RAB1A: variants seen among roughly 807,000 people sequenced by gnomAD.
RAB1A encodes ras-related protein Rab-1A.
Under a neutral mutation model 26.0 loss-of-function variants are expected in RAB1A, and 2 were observed. That is an observed-to-expected ratio of 0.08 (90% CI 0.03 to 0.24). The LOEUF is 0.24. Ranked by LOEUF, RAB1A falls within the 10% of genes least tolerant of loss-of-function variation. The pLI is 1.00. For missense variants in RAB1A, 100 were observed against 247.0 expected (o/e 0.40, Z 3.99); for synonymous variants, 84 against 84.9 (o/e 0.99, Z 0.06).
At chr2:65,100,742 G>A (rs1386612742) in intron 2 of RAB1A, among the ~76,000 whole-genome samples, 1 of 139,508 alleles carries the variant, frequency 7.2e-6, no homozygotes, top group South Asian at 2.3e-4. Context: ...CTGGGCGACA[G>A]AGCGAGACTC....
At chr2:65,129,582 G>T (rs1558591455) in intron 1 of RAB1A, among the ~76,000 whole-genome samples, 1 of 151,788 alleles carries the variant, frequency 6.6e-6, no homozygotes, top group African/African-American at 2.4e-5. Context: ...CTGCCTCCGA[G>T]AGAAGATACC....
chr2:65,095,514 T>C (rs2103830540), intron 3 of RAB1A, among the ~76,000 whole-genome samples: 1 of 118,218 alleles, frequency 8.5e-6, no homozygotes, highest in Non-Finnish European at 1.7e-5. Context: ...CACACCTGGT[T>C]ACTTTTTTTT....
intron 3 of RAB1A, among the ~76,000 whole-genome samples, chr2:65,096,408 GA>G (rs1472416780): frequency 1.3e-5 from 2 of 152,130 alleles, no homozygotes; most frequent in Non-Finnish European, 2.9e-5. Flanking sequence ...AGACAAAGAT[GA>G]AAGACAGTGT....
rs1279016866 is a variant in RAB1A, at chr2:65,087,061, C to G, written c.*1432G>C. 6.6e-6 allele frequency: 1 copy of G among 152,142 alleles called. No homozygotes were observed. Among genetic ancestry groups the G allele is most frequent in the Non-Finnish European group, 1.5e-5 (1 of 68,020 alleles). The allele number at this position is 152,142 out of a possible 1,614,324, so 9.4% of individuals were successfully genotyped here. ...TATCATTAAATTAAGGAGCCCACAA[C>G]AAAATGTGTTGCCAGCAGCCATATC... On this transcript the variant is annotated 3_prime_UTR_variant, in exon 6 of 6. Coordinates refer to ENST00000409784, the MANE Select transcript of RAB1A (RefSeq NM_004161.5).
intron 3 of RAB1A, among the ~76,000 whole-genome samples, chr2:65,095,539 G>A (rs911732692): frequency 2.2e-5 from 3 of 133,618 alleles, no homozygotes; most frequent in African/African-American, 5.6e-5. Flanking sequence ...TTTTTTGGTA[G>A]AGATAGAGTC....
chr2:65,107,224 C>T (rs1002431544), intron 1 of RAB1A, among the ~76,000 whole-genome samples: 3 of 152,006 alleles, frequency 2.0e-5, no homozygotes, highest in Admixed American at 6.6e-5. Context: ...TGCTAACACA[C>T]CCAGCTAATT....
chr2:65,117,824 G>A (rs6752302), intron 1 of RAB1A, among the ~76,000 whole-genome samples: 5,214 of 151,470 alleles, frequency 0.034, 126 homozygotes, highest in African/African-American at 0.067. Context: ...ACCCACCTCA[G>A]CCTCCGAAAG....
intron 1 of RAB1A, chr2:65,106,270 GT>G: frequency 4.7e-6 from 1 of 213,046 alleles, no homozygotes; most frequent in South Asian, 4.9e-5. Context: ...TTTATATATC[GT>G]TTTTGTAGAA....
chr2:65,120,033 CTACA>C (rs1669922381), intron 1 of RAB1A, among the ~76,000 whole-genome samples: 1 of 151,912 alleles, frequency 6.6e-6, no homozygotes, highest in Non-Finnish European at 1.5e-5. Context: ...ACATAAAGCA[CTACA>C]TAATTATCCA....
chr2:65,108,671 T>C (rs1669621197), intron 1 of RAB1A, among the ~76,000 whole-genome samples: 1 of 151,904 alleles, frequency 6.6e-6, no homozygotes, highest in South Asian at 2.1e-4. Context: ...CCAGGCATGG[T>C]AGCGCATGCC....
intron 1 of RAB1A, among the ~76,000 whole-genome samples, chr2:65,110,433 C>T (rs1370053006): frequency 7.5e-5 from 8 of 106,284 alleles, no homozygotes; most frequent in African/African-American, 2.2e-4. Flanking sequence ...AGAGCGAGAC[C>T]GTCTCAAAAA....
intron 1 of RAB1A, among the ~76,000 whole-genome samples, chr2:65,119,841 CAAAAAAAAA>C (rs1178958164): frequency 0.012 from 424 of 36,474 alleles, no homozygotes; most frequent in Non-Finnish European, 0.014. Flanking sequence ...CCTGTCTCTA[CAAAAAAAAA>C]AAAAAAAAAA....
Position 65,089,017 on chromosome 2 carries a change from A to T in RAB1A, c.342T>A (p.Ser114Arg). Residue 114 changes from serine (S) to arginine (R), a missense_variant, in exon 5 of 6, where the codon AGT becomes AGA. Ser to Arg is a moderately radical substitution (Grantham distance 110). This residue lies in a region of RAB1A where 67 missense variants were observed against 122.9 expected (regional missense o/e 0.55). Coordinates refer to ENST00000409784, the MANE Select transcript of RAB1A (RefSeq NM_004161.5). ...QWLQEIDRYASENVNKLLVGN... is the reference protein window; with the variant it reads ...QWLQEIDRYARENVNKLLVGN... The stretch of plus-strand genomic sequence containing the variant: ...CTACCAACAATTTGTTGACATTTTC[A>T]CTGGCATAACGATCTATTTCCTGCA... 1 of 1,610,502 alleles carries T rather than the reference A, an allele frequency of 6.2e-7. No individual in the cohort carries two copies. Among genetic ancestry groups the T allele is most frequent in the South Asian group, 1.1e-5 (1 of 90,542 alleles).
chr2:65,089,043 G>T lies in RAB1A; in HGVS notation c.316C>A (p.Leu106Met). Residue 106 changes from leucine (L) to methionine (M), a missense_variant, in exon 5 of 6, where the codon CTG (leucine) becomes ATG (methionine). Around this residue, in one of 2 missense-constraint regions of RAB1A, gnomAD observed 67 missense variants for 122.9 expected, o/e 0.55. Transcript: ENST00000409784. ...CTGGCATAACGATCTATTTCCTGCA[G>T]CCACTGTTTAACATTATTGAAGGAC... ...QESFNNVKQW[L>M]QEIDRYASEN... The T allele has an allele frequency of 6.2e-7, 1 of 1,610,168 alleles. No homozygotes were observed. The highest frequency in any genetic ancestry group is 8.5e-7 in the Non-Finnish European group (1 of 1,177,638).
At chr2:65,113,119 T>C (rs1306126838) in intron 1 of RAB1A, among the ~76,000 whole-genome samples, 7 of 152,154 alleles carry the variant, frequency 4.6e-5, no homozygotes. Context: ...TGTCTTTTGC[T>C]TAACAGATGG....
intron 2 of RAB1A, among the ~76,000 whole-genome samples, 170 bp from the exon 3 acceptor site, chr2:65,098,236 C>A (rs1669335724): frequency 1.3e-5 from 2 of 152,070 alleles, no homozygotes; most frequent in South Asian, 4.1e-4. Flanking sequence ...TGACAACAGC[C>A]ACTCCATCCA....
intron 1 of RAB1A, among the ~76,000 whole-genome samples, chr2:65,105,692 C>T (rs946586790): frequency 3.9e-5 from 6 of 152,168 alleles, no homozygotes; most frequent in South Asian, 4.1e-4. Flanking sequence ...AATTCACAGG[C>T]TGTTTATCCA....
At chr2:65,094,580 G>A (rs1428607973) in intron 3 of RAB1A, among the ~76,000 whole-genome samples, 5 of 80,100 alleles carry the variant, frequency 6.2e-5, no homozygotes, top group South Asian at 4.8e-4. Flanking sequence ...GCGAAACTCC[G>A]TCTCAAAAAA....
At chr2:65,096,055 A>C (rs940059862) in intron 3 of RAB1A, among the ~76,000 whole-genome samples, 2 of 152,158 alleles carry the variant, frequency 1.3e-5, no homozygotes, top group African/African-American at 4.8e-5. Context: ...CAGGAGGCTG[A>C]GGCAAGAGAA....
Sources: gnomAD v4.1 joint callset for allele counts (sites outside exome capture counted in the v4.1 genomes callset) on GRCh38, gnomAD v4.1.1 for gene constraint, gnomAD v4.1.1 regional missense constraint, MANE v1.5 for transcripts, NCBI Gene and HGNC (gene_info 2026-07-23, HGNC 2026-07-21) for gene names.